The following EPHA5 variants were observed in gnomAD, a reference collection of about 807,000 sequenced individuals.
EPHA5 encodes the protein EPH receptor A5, also known as ephrin type-A receptor 5.
In EPHA5, 60 loss-of-function variants were observed where a neutral mutation model predicts 105.0. The ratio of observed to expected loss-of-function variants is 0.57; its 90% CI spans 0.46 to 0.71. The LOEUF is 0.71. Ranked by LOEUF, EPHA5 falls within the 30% of genes least tolerant of loss-of-function variation. The pLI is 0.00. For synonymous variants in EPHA5, 513 were observed against 449.1 expected (o/e 1.14, Z -1.80); for missense variants, 1,218 against 1,274.7 (o/e 0.96, Z 0.68).
At chr4:65,577,715 T>C (rs1242488312) in intron 3 of EPHA5, among the ~76,000 whole-genome samples, 1 of 152,168 alleles carries the variant, frequency 6.6e-6, no homozygotes. Context: ...TATTAATGCA[T>C]GCAGAAATGC....
At chr4:65,579,349 T>C (rs1741375139) in intron 3 of EPHA5, among the ~76,000 whole-genome samples, 1 of 112,152 alleles carries the variant, frequency 8.9e-6, no homozygotes, top group Non-Finnish European at 1.9e-5. Flanking sequence ...AATATATATA[T>C]GTATGTGTGT....
intron 3 of EPHA5, among the ~76,000 whole-genome samples, chr4:65,528,502 T>C (rs1484815023): frequency 6.6e-6 from 1 of 152,098 alleles, no homozygotes; most frequent in Non-Finnish European, 1.5e-5. Flanking sequence ...CTTAAAAAAA[T>C]CCGTAGAGAA....
chr4:65,611,064 A>G (rs1744715321), intron 2 of EPHA5, among the ~76,000 whole-genome samples: 1 of 152,134 alleles, frequency 6.6e-6, no homozygotes, highest in Non-Finnish European at 1.5e-5. Flanking sequence ...TCTCAATTAT[A>G]TATTATTTAA....
At chr4:65,528,428 C>A (rs557222493) in intron 3 of EPHA5, among the ~76,000 whole-genome samples, 1 of 151,896 alleles carries the variant, frequency 6.6e-6, no homozygotes, top group East Asian at 1.9e-4. Context: ...ATATTTAATT[C>A]GCTTCTTCCT....
intron 3 of EPHA5, among the ~76,000 whole-genome samples, chr4:65,497,187 C>T (rs187668258): frequency 1.3e-5 from 2 of 152,156 alleles, no homozygotes; most frequent in East Asian, 3.9e-4. Flanking sequence ...TTTGCTGAAG[C>T]TCAAAGGTGA....
chr4:65,498,206 TAGTC>T lies in EPHA5; in HGVS notation c.911-2667_911-2664del, dbSNP rs200519711. Among the ~76,000 whole-genome samples, 146 of 151,996 alleles carry T rather than the reference TAGTC, an allele frequency of 9.6e-4. No homozygotes were observed. The East Asian group carries it at 0.022, about 23-fold the overall frequency. On this transcript the variant is annotated intron_variant, in intron 3 of 16. Transcript: ENST00000613740. The stretch of plus-strand genomic sequence containing the variant: ...GATACTAAAGAATTGATCAAGAAGA[TAGTC>T]AGAATAAAGTGGAAGAGTCAAGTTT...
At chr4:65,387,429 C>G (rs1009222619) in intron 8 of EPHA5, among the ~76,000 whole-genome samples, 10 of 151,954 alleles carry the variant, frequency 6.6e-5, no homozygotes, top group Non-Finnish European at 5.9e-5. Flanking sequence ...GATTTAGAAG[C>G]CCCAAGGCTT....
At position 65,375,498 on chromosome 4, in the gene EPHA5, A is replaced by T. The variant is rs537419603; in HGVS notation, c.1794-8074T>A. 4.6e-5 allele frequency among the ~76,000 whole-genome samples: 7 copies of T among 152,044 alleles called. No individual in the cohort carries two copies. In the South Asian group the frequency reaches 1.4e-3, roughly 31 times the overall value. The stretch of plus-strand genomic sequence containing the variant: ...AACCACCTGAAGCCAAAAGTACAGT[A>T]GAAAAAGATACTATCTTTTTAAATC... On this transcript the variant is annotated intron_variant, in intron 8 of 16. Transcript: ENST00000613740.
At chr4:65,332,635 C>T (rs1383625915) in intron 15 of EPHA5, among the ~76,000 whole-genome samples, 1 of 151,442 alleles carries the variant, frequency 6.6e-6, no homozygotes, top group African/African-American at 2.4e-5. Context: ...TGGGGGAAGG[C>T]TACATATGTG....
At position 65,377,059 on chromosome 4, in the gene EPHA5, A is replaced by C. The variant is rs1054488637; in HGVS notation, c.1794-9635T>G. On this transcript the variant is annotated intron_variant, in intron 8 of 16. Coordinates refer to ENST00000613740, the MANE Select transcript of EPHA5 (RefSeq NM_001281766.3). ...GAAGCCCTCCCACAGCCACATTCGC[A>C]GCAACTGAAAAGCAAACAAGAGAGC... The C allele has an allele frequency of 1.2e-6, 2 of 1,608,676 alleles. No homozygotes were observed. The highest frequency in any genetic ancestry group is 2.7e-5 in the African/African-American group (2 of 74,738).
chr4:65,399,259 T>A (rs1721573933), intron 8 of EPHA5, among the ~76,000 whole-genome samples: 1 of 152,194 alleles, frequency 6.6e-6, no homozygotes, highest in Non-Finnish European at 1.5e-5. Context: ...TGTGCTGGTA[T>A]CAGGAGCAAC....
At chr4:65,563,162 T>G (rs1578431260) in intron 3 of EPHA5, among the ~76,000 whole-genome samples, 1 of 152,046 alleles carries the variant, frequency 6.6e-6, no homozygotes, top group East Asian at 1.9e-4. Flanking sequence ...TACATAGTTC[T>G]GAGGAGCCAT....
At chr4:65,541,306 G>A (rs1485769267) in intron 3 of EPHA5, among the ~76,000 whole-genome samples, 2 of 151,722 alleles carry the variant, frequency 1.3e-5, no homozygotes, top group African/African-American at 2.4e-5. Flanking sequence ...ACACAGACTG[G>A]CAAATTGGAT....
At chr4:65,657,055 C>A (rs748736708) in intron 1 of EPHA5, among the ~76,000 whole-genome samples, 1 of 151,408 alleles carries the variant, frequency 6.6e-6, no homozygotes, top group Non-Finnish European at 1.5e-5. Context: ...CTTTCTTCCA[C>A]GTAAATCTAT....
chr4:65,509,335 G>A (rs764696873), intron 3 of EPHA5, among the ~76,000 whole-genome samples: 18 of 151,754 alleles, frequency 1.2e-4, no homozygotes, highest in Non-Finnish European at 1.8e-4. Context: ...TTAACTGTTC[G>A]ACCTGTTTGA....
chr4:65,376,840 T>A, intron 8 of EPHA5, among the ~76,000 whole-genome samples: 1 of 152,148 alleles, frequency 6.6e-6, no homozygotes, highest in South Asian at 2.1e-4. Flanking sequence ...ATAATATTTA[T>A]TTGAAATAAT....
intron 2 of EPHA5, among the ~76,000 whole-genome samples, chr4:65,639,411 C>T (rs1442527541): frequency 2.0e-5 from 3 of 152,156 alleles, no homozygotes; most frequent in East Asian, 1.9e-4. Flanking sequence ...AAGAGGTCAT[C>T]GCTTTGCCTT....
intron 3 of EPHA5, among the ~76,000 whole-genome samples, chr4:65,543,518 G>T (rs1000466395): frequency 1.3e-5 from 2 of 151,998 alleles, no homozygotes; most frequent in Non-Finnish European, 2.9e-5. Context: ...GCTAACAAGG[G>T]ATGTGAAGGA....
intron 2 of EPHA5, among the ~76,000 whole-genome samples, chr4:65,625,133 A>G (rs1423071104): frequency 6.6e-6 from 1 of 152,160 alleles, no homozygotes; most frequent in Admixed American, 6.5e-5. Context: ...AAGTTATCTC[A>G]TATGATATAA....
Sources: gnomAD v4.1 joint callset for allele counts (sites outside exome capture counted in the v4.1 genomes callset) on GRCh38, gnomAD v4.1.1 for gene constraint, MANE v1.5 for transcripts, NCBI Gene and HGNC (gene_info 2026-07-23, HGNC 2026-07-21) for gene names.